Variants in FBXL17 observed in about 807,000 individuals in gnomAD.
FBXL17 encodes F-box/LRR-repeat protein 17.
In FBXL17, 22 loss-of-function variants were observed where a neutral mutation model predicts 66.2. The observed-to-expected ratio is 0.33, with a 90% CI of 0.24 to 0.47. The LOEUF is 0.47. Among genes scored for constraint, FBXL17 ranks in the 20% least tolerant of loss-of-function variants. The pLI is 1.00. For synonymous variants in FBXL17, 474 were observed against 400.5 expected (o/e 1.18, Z -2.19); for missense variants, 878 against 948.2 (o/e 0.93, Z 0.97).
At chr5:107,901,956 T>C (rs140941420) in intron 7 of FBXL17, among the ~76,000 whole-genome samples, 59 of 152,334 alleles carry the variant, frequency 3.9e-4, no homozygotes, top group South Asian at 1.0e-3. Flanking sequence ...GCAGTGTTGC[T>C]AGATCTTGAA....
At chr5:108,299,484 G>A in intron 4 of FBXL17, 4 of 933,274 alleles carry the variant, frequency 4.3e-6, no homozygotes, top group Non-Finnish European at 5.1e-6. Context: ...CAATCTAAAA[G>A]TTATTGAATA....
At chr5:108,174,471 T>G (rs1752718290) in intron 6 of FBXL17, among the ~76,000 whole-genome samples, 1 of 152,156 alleles carries the variant, frequency 6.6e-6, no homozygotes, top group African/African-American at 2.4e-5. Flanking sequence ...CTGATGTGAT[T>G]TGCAGTAGGT....
chr5:108,147,880 A>G (rs1034390551), intron 6 of FBXL17, among the ~76,000 whole-genome samples: 1 of 152,160 alleles, frequency 6.6e-6, no homozygotes, highest in African/African-American at 2.4e-5. Flanking sequence ...GAGTACCAGG[A>G]AACAGTAAAA....
intron 6 of FBXL17, among the ~76,000 whole-genome samples, chr5:108,103,468 T>C (rs1252839202): frequency 6.6e-6 from 1 of 152,244 alleles, no homozygotes; most frequent in East Asian, 1.9e-4. Flanking sequence ...CAGTGGATCC[T>C]ATCGCTGCTA....
chr5:108,085,831 G>A (rs1748948906), intron 6 of FBXL17, among the ~76,000 whole-genome samples: 1 of 152,166 alleles, frequency 6.6e-6, no homozygotes, highest in African/African-American at 2.4e-5. Flanking sequence ...CAGCTACTTG[G>A]GAGGATCACT....
intron 7 of FBXL17, among the ~76,000 whole-genome samples, chr5:107,904,712 T>C (rs966870830): frequency 6.6e-6 from 1 of 152,156 alleles, no homozygotes; most frequent in African/African-American, 2.4e-5. Flanking sequence ...AATAATAAAA[T>C]GTAATAACAA....
chr5:108,303,700 G>T (rs1444909092), intron 4 of FBXL17, among the ~76,000 whole-genome samples: 1 of 151,796 alleles, frequency 6.6e-6, no homozygotes, highest in Non-Finnish European at 1.5e-5. Context: ...CCAAGTATCT[G>T]CAAAGGTCAA....
intron 7 of FBXL17, among the ~76,000 whole-genome samples, chr5:107,986,322 T>C (rs1158917920): frequency 6.6e-6 from 1 of 151,870 alleles, no homozygotes; most frequent in Non-Finnish European, 1.5e-5. Flanking sequence ...ATGTTTAACT[T>C]ACAATCACAA....
At position 108,007,252 on chromosome 5, in the gene FBXL17, G is replaced by T. The variant is rs1753962695; in HGVS notation, c.1822+13673C>A. ...TCTGTAGTAGTTGGGAATTGAGTAT[G>T]TGTTAGTGAGAATAACTTGGCTCTC... On this transcript the variant is annotated intron_variant, in intron 7 of 8. Coordinates refer to ENST00000542267, the MANE Select transcript of FBXL17 (RefSeq NM_001163315.3). 2.0e-5 allele frequency among the ~76,000 whole-genome samples: 3 copies of T among 152,200 alleles called. No individual in the cohort carries two copies. In the South Asian group the frequency reaches 6.2e-4, roughly 32 times the overall value.
At chr5:108,001,218 C>T (rs1753710478) in intron 7 of FBXL17, among the ~76,000 whole-genome samples, 1 of 152,042 alleles carries the variant, frequency 6.6e-6, no homozygotes. Context: ...ACACCTTCAA[C>T]TACTCAATAG....
intron 6 of FBXL17, among the ~76,000 whole-genome samples, chr5:108,133,640 C>A (rs2149978922): frequency 6.6e-6 from 1 of 151,130 alleles, no homozygotes; most frequent in Admixed American, 6.6e-5. Context: ...AAATGGAGGG[C>A]TGAGAAGAAA....
intron 4 of FBXL17, among the ~76,000 whole-genome samples, chr5:108,265,905 A>T (rs1757026891): frequency 6.6e-6 from 1 of 152,166 alleles, no homozygotes; most frequent in African/African-American, 2.4e-5. Context: ...CACTTTGAAT[A>T]GTAAGGTTCG....
chr5:108,070,162 C>T (rs1748274189), intron 6 of FBXL17, among the ~76,000 whole-genome samples: 1 of 152,190 alleles, frequency 6.6e-6, no homozygotes, highest in African/African-American at 2.4e-5. Flanking sequence ...TTCACTCTAT[C>T]ATTCCATTAG....
At chr5:108,270,802 A>C (rs1342275476) in intron 4 of FBXL17, among the ~76,000 whole-genome samples, 2 of 152,146 alleles carry the variant, frequency 1.3e-5, no homozygotes, top group Non-Finnish European at 2.9e-5. Flanking sequence ...ATTATGTTGA[A>C]ATAATTGAAG....
intron 7 of FBXL17, among the ~76,000 whole-genome samples, chr5:107,944,022 A>G (rs545019933): frequency 1.6e-4 from 24 of 152,274 alleles, no homozygotes; most frequent in African/African-American, 5.8e-4. Flanking sequence ...GTGCTGTTGC[A>G]TATGCTGTGC....
chr5:108,303,819 T>A, intron 4 of FBXL17, among the ~76,000 whole-genome samples: 1 of 151,944 alleles, frequency 6.6e-6, no homozygotes, highest in East Asian at 1.9e-4. Flanking sequence ...GATAACATCA[T>A]CATTCTGATG....
intron 7 of FBXL17, among the ~76,000 whole-genome samples, chr5:107,992,960 A>G (rs1753316437): frequency 6.6e-6 from 1 of 151,436 alleles, no homozygotes; most frequent in Admixed American, 6.6e-5. Context: ...CAGTGGCGCG[A>G]TCTCGGCTCA....
At chr5:107,915,644 G>A (rs1320694316) in intron 7 of FBXL17, among the ~76,000 whole-genome samples, 5 of 152,186 alleles carry the variant, frequency 3.3e-5, no homozygotes, top group Non-Finnish European at 1.5e-5. Flanking sequence ...AATTTTAGAA[G>A]CTGAATGTAC....
chr5:108,190,117 C>CAA (rs1037799210), intron 5 of FBXL17, among the ~76,000 whole-genome samples: 1 of 152,180 alleles, frequency 6.6e-6, no homozygotes, highest in African/African-American at 2.4e-5. Flanking sequence ...CAGTAGAAAA[C>CAA]AAATGCAGGA....
Sources: gnomAD v4.1 joint callset for allele counts (sites outside exome capture counted in the v4.1 genomes callset) on GRCh38, gnomAD v4.1.1 for gene constraint, MANE v1.5 for transcripts, NCBI Gene and HGNC (gene_info 2026-07-23, HGNC 2026-07-21) for gene names.